Variants in ZNF514 observed in about 807,000 individuals in gnomAD.
ZNF514 encodes the protein zinc finger protein 514.
Under a neutral mutation model 9.7 loss-of-function variants are expected in ZNF514, and 12 were observed. The ratio of observed to expected loss-of-function variants is 1.24; its 90% confidence interval spans 0.79 to 2.01. The LOEUF (loss-of-function observed/expected upper bound fraction) is 2.01. Ranked by LOEUF, ZNF514 falls within the 30% of genes most tolerant of loss-of-function variation. The pLI is 0.00. For missense variants in ZNF514, 467 were observed against 465.5 expected (o/e 1.00, Z -0.03); for synonymous variants, 158 against 163.7 (o/e 0.97, Z 0.27).
chr2:95,126,486 T>C, the ZNF514 span, among the ~76,000 whole-genome samples: 1 of 151,976 alleles, frequency 6.6e-6, no homozygotes, highest in Non-Finnish European at 1.5e-5. Flanking sequence ...GCCAGCAATA[T>C]GTGAAAGATC....
the ZNF514 span, among the ~76,000 whole-genome samples, chr2:95,134,781 G>A: frequency 3.3e-5 from 5 of 152,124 alleles, no homozygotes; most frequent in African/African-American, 1.2e-4. Flanking sequence ...TGTATATTGG[G>A]TTAGGTAAGA....
In ZNF514 at chr2:95,146,003, T is replaced by C. The variant is rs1420269726; in HGVS notation, c.*3279A>G. Among the ~76,000 whole-genome samples, 1 of 152,154 alleles carries C rather than the reference T, an allele frequency of 6.6e-6. No individual in the cohort carries two copies. Among genetic ancestry groups the C allele is most frequent in the African/African-American group, 2.4e-5 (1 of 41,456 alleles). On this transcript the variant is annotated 3_prime_UTR_variant, in exon 5 of 5. Transcript: ENST00000295208. ...CTGGGGCTGTGTCAGACTTGTTTCT[T>C]ATCAGACTTAAATCTATTTTGGCGT...
the ZNF514 span, among the ~76,000 whole-genome samples, chr2:95,126,759 A>ATTTTCTTTTTTTTTC: frequency 6.6e-6 from 1 of 151,222 alleles, no homozygotes; most frequent in African/African-American, 2.4e-5. Context: ...ATGTGAGCCC[A>ATTTTCTTTTTTTTTC]TTTTCTTTTT....
At chr2:95,130,991 A>G in the ZNF514 span, among the ~76,000 whole-genome samples, 1 of 152,224 alleles carries the variant, frequency 6.6e-6, no homozygotes, top group Non-Finnish European at 1.5e-5. Flanking sequence ...CAAAAGTATT[A>G]ATTTGGGGAA....
downstream of ZNF514, among the ~76,000 whole-genome samples, chr2:95,140,131 T>G (rs3112223): frequency 0.79 from 120,386 of 151,744 alleles, 48,090 homozygotes; most frequent in African/African-American, 0.87. Flanking sequence ...GGCCTGTCAG[T>G]GGGTGAGGGG....
chr2:95,149,285 T>C lies in ZNF514; in HGVS notation c.1200A>G (p.Leu400=), dbSNP rs148106967. 19 of 1,567,614 alleles carry C rather than the reference T, an allele frequency of 1.2e-5. No homozygotes were observed. The East Asian group carries it at 3.6e-4, about 30-fold the overall frequency. ...AGCCCTTCTATATTCACTGAATTTA[T>C]AGGGTTTTTTTTCCAGCATGACTTC... ...HQRSHAGKKT[L] Residue 400 remains leucine, a synonymous_variant, in exon 5 of 5, where the codon CTA becomes CTG. Transcript: ENST00000295208.
At position 95,147,864 on chromosome 2, in the gene ZNF514, C is replaced by T. The variant is rs183717533; in HGVS notation, c.*1418G>A. ...CTGTGTTAGCCAGGATGGTCTCGAA[C>T]TCCTGACCTCGTGATCTGTCCGCCT... On this transcript the variant is annotated 3_prime_UTR_variant, in exon 5 of 5. Coordinates refer to ENST00000295208, the MANE Select transcript of ZNF514 (RefSeq NM_032788.3). The T allele has an allele frequency of 8.5e-5, 13 of 152,338 alleles. No individual in the cohort carries two copies. The highest frequency in any genetic ancestry group is 3.1e-4 in the African/African-American group (13 of 41,564). The allele number at this position is 152,338 out of a possible 1,614,324, so 9.4% of individuals were successfully genotyped here.
downstream of ZNF514, among the ~76,000 whole-genome samples, chr2:95,144,649 C>A (rs575338754): frequency 3.9e-5 from 6 of 152,218 alleles, no homozygotes; most frequent in South Asian, 2.1e-4. Context: ...TAATTGTCAT[C>A]AAAAATATAG....
chr2:95,130,281 A>G, the ZNF514 span, among the ~76,000 whole-genome samples: 1 of 152,196 alleles, frequency 6.6e-6, no homozygotes, highest in African/African-American at 2.4e-5. Context: ...ATAGAATATC[A>G]CAAGGCAAGT....
intron 1 of ZNF514, 131 bp downstream of exon 1, chr2:95,159,109 C>T: frequency 9.7e-7 from 1 of 1,028,196 alleles, no homozygotes; most frequent in Non-Finnish European, 1.2e-6. Flanking sequence ...GGACACGGGG[C>T]ATCCCCACTA....
chr2:95,133,197 GATGGCTC>G, the ZNF514 span, among the ~76,000 whole-genome samples: 2 of 152,190 alleles, frequency 1.3e-5, no homozygotes, highest in Non-Finnish European at 2.9e-5. Flanking sequence ...GGCCAGGCAA[GATGGCTC>G]ATGCCTGCAA....
intron 3 of ZNF514, among the ~76,000 whole-genome samples, 164 bp from the exon 4 acceptor site, chr2:95,152,933 A>G (rs140371250): frequency 1.1e-3 from 166 of 152,354 alleles, no homozygotes; most frequent in African/African-American, 3.8e-3. Flanking sequence ...TTTCAACTCC[A>G]TAAGTAGCTG....
At chr2:95,134,366 C>T in the ZNF514 span, among the ~76,000 whole-genome samples, 1 of 152,110 alleles carries the variant, frequency 6.6e-6, no homozygotes, top group African/African-American at 2.4e-5. Flanking sequence ...TGGAAGGACT[C>T]GCTACCAATG....
rs3112996 is a variant in ZNF514 at position 95,146,627 on chromosome 2, G to A, written c.*2655C>T. On this transcript the variant is annotated 3_prime_UTR_variant, in exon 5 of 5. Coordinates refer to ENST00000295208, the MANE Select transcript of ZNF514 (RefSeq NM_032788.3). ...TTATATACCACACACGGGGGGTGAG[G>A]ATTTATCTTGTAGGCCGTGCAAAGG... Among the ~76,000 whole-genome samples the A allele has an allele frequency of 0.79, 116,738 of 148,588 alleles. 46,147 individuals carry two copies. The highest frequency in any genetic ancestry group is 0.84 in the African/African-American group (33,804 of 40,144).
intron 4 of ZNF514, among the ~76,000 whole-genome samples, chr2:95,150,492 ATG>A (rs1340814074): frequency 6.6e-6 from 1 of 152,176 alleles, no homozygotes; most frequent in Non-Finnish European, 1.5e-5. Context: ...TCTGAGAGAT[ATG>A]TGTTTAGATT....
intron 1 of ZNF514, 46 bp from the exon 2 acceptor site, chr2:95,157,485 C>T: frequency 1.7e-6 from 2 of 1,161,894 alleles, no homozygotes; most frequent in South Asian, 1.3e-5. Context: ...CCAGCCAGCA[C>T]ACACAGCTCT....
At chr2:95,127,899 G>A in the ZNF514 span, among the ~76,000 whole-genome samples, 10 of 151,864 alleles carry the variant, frequency 6.6e-5, no homozygotes, top group East Asian at 3.9e-4. Context: ...GTGAGACACC[G>A]CACCCGGCCT....
chr2:95,149,687 C>T lies in ZNF514; in HGVS notation c.798G>A (p.Gly266=), dbSNP rs1156712148. 1 of 1,614,086 alleles carries T rather than the reference C, an allele frequency of 6.2e-7. No individual in the cohort carries two copies. Among genetic ancestry groups the T allele is most frequent in the African/African-American group, 1.3e-5 (1 of 74,922 alleles). ...GEKPYECSEC[G]RAFSQSSSLV... ...GAGACGAACTCTGGCTGAAGGCTCT[C>T]CCACATTCACTGCATTCATAGGGCT... Residue 266 remains glycine, a synonymous_variant, in exon 5 of 5, where the codon GGG becomes GGA. Transcript: ENST00000295208.
In ZNF514 at chr2:95,149,943, C is replaced by A; in HGVS notation, c.542G>T (p.Cys181Phe). The A allele has an allele frequency of 6.2e-7, 1 of 1,614,216 alleles. No homozygotes were observed. The highest frequency in any genetic ancestry group is 1.1e-5 in the South Asian group (1 of 91,086). Residue 181 changes from cysteine (C) to phenylalanine (F), a missense_variant, in exon 5 of 5, where the codon TGT becomes TTT. By Grantham distance (205) the Cys-to-Phe change is radical. Coordinates refer to ENST00000295208, the MANE Select transcript of ZNF514 (RefSeq NM_032788.3). ...SILMGEGSYK[C>F]DTEFRQTLGG... Reference sequence around the variant, plus strand: ...TAAAGTCTGCCTGAATTCTGTATCACATTTATAAGATCCTTCTCCCATGAG... The same window carrying A: ...TAAAGTCTGCCTGAATTCTGTATCAAATTTATAAGATCCTTCTCCCATGAG...
Sources: gnomAD v4.1 joint callset for allele counts (sites outside exome capture counted in the v4.1 genomes callset) on GRCh38, gnomAD v4.1.1 for gene constraint, MANE v1.5 for transcripts, NCBI Gene and HGNC (gene_info 2026-07-23, HGNC 2026-07-21) for gene names.